The following NTNG1 variants were observed in gnomAD, a reference collection of about 807,000 sequenced individuals.
NTNG1 encodes the protein netrin G1.
In NTNG1, 16 loss-of-function variants were observed where a neutral mutation model predicts 54.0. The observed-to-expected ratio is 0.30, with a 90% CI of 0.20 to 0.45. NTNG1 has a LOEUF of 0.45. Ranked by LOEUF, NTNG1 falls within the 20% of genes least tolerant of loss-of-function variation. The pLI is 1.00. For synonymous variants in NTNG1, 255 were observed against 263.1 expected (o/e 0.97, Z 0.30); for missense variants, 530 against 678.7 (o/e 0.78, Z 2.43).
chr1:107,335,553 G>A (rs978433559), intron 3 of NTNG1, among the ~76,000 whole-genome samples: 6 of 151,850 alleles, frequency 4.0e-5, no homozygotes, highest in African/African-American at 1.2e-4. Flanking sequence ...AATATTAATA[G>A]CGTGAGGCTA....
At chr1:107,400,901 C>T (rs1053937918) in intron 4 of NTNG1, among the ~76,000 whole-genome samples, 40 of 152,204 alleles carry the variant, frequency 2.6e-4, no homozygotes, top group Admixed American at 1.9e-3. Context: ...CCACCTGCCT[C>T]AGCTTCCCAA....
At position 107,483,494 on chromosome 1, in the gene NTNG1, C is replaced by G. The variant is rs891718163; in HGVS notation, c.*2654C>G. On this transcript the variant is annotated 3_prime_UTR_variant, in exon 8 of 8. Coordinates refer to ENST00000370068, the MANE Select transcript of NTNG1 (RefSeq NM_001113226.3). ...TGGAAATGAAATGTTCTTTTTAAATCTGGATTCTCAAGTTCTTCTAAAGGA... is the reference window on the plus strand; with the variant it reads ...TGGAAATGAAATGTTCTTTTTAAATGTGGATTCTCAAGTTCTTCTAAAGGA... 6.6e-6 allele frequency: 1 copy of G among 152,146 alleles called. No individual in the cohort carries two copies. The highest frequency in any genetic ancestry group is 2.1e-4 in the South Asian group (1 of 4,824). 9.4% of individuals were successfully genotyped at this position (152,146 alleles called of 1,614,324 possible). A position where few individuals can be genotyped will look rare whatever the true frequency, so the allele number is the denominator to read the frequency against.
At chr1:107,455,998 G>T (rs1268760311) in intron 7 of NTNG1, among the ~76,000 whole-genome samples, 1 of 152,118 alleles carries the variant, frequency 6.6e-6, no homozygotes, top group Admixed American at 6.5e-5. Flanking sequence ...CCCTGAAGAG[G>T]TTTGAAAGGA....
chr1:107,281,238 A>G (rs1432948676), intron 2 of NTNG1, among the ~76,000 whole-genome samples: 1 of 152,142 alleles, frequency 6.6e-6, no homozygotes, highest in African/African-American at 2.4e-5. Flanking sequence ...TTATGTACAT[A>G]TAAAACACTG....
At position 107,405,586 on chromosome 1, in the gene NTNG1, C is replaced by T. The variant is rs2587902; in HGVS notation, c.1061-2096C>T. On this transcript the variant is annotated intron_variant, in intron 4 of 7. Coordinates refer to ENST00000370068, the MANE Select transcript of NTNG1 (RefSeq NM_001113226.3). ...CCAAAGTATTCAGCTGCAGCAAATA[C>T]TGCATCAAACAGTCTTGCGGCTTTG... is the stretch of plus-strand genomic sequence containing the variant. Among the ~76,000 whole-genome samples, 1,318 of 152,228 alleles carry T rather than the reference C, an allele frequency of 8.7e-3. 16 individuals are homozygous for T. The highest frequency in any genetic ancestry group is 0.026 in the African/African-American group (1,061 of 41,544).
chr1:107,196,161 G>A, intron 2 of NTNG1, among the ~76,000 whole-genome samples: 1 of 151,780 alleles, frequency 6.6e-6, no homozygotes, highest in Non-Finnish European at 1.5e-5. Flanking sequence ...CCATATAAAG[G>A]ATCTCCTACG....
chr1:107,431,048 A>T, intron 6 of NTNG1, 131 bp downstream of exon 6: 1 of 755,328 alleles, frequency 1.3e-6, no homozygotes, highest in Non-Finnish European at 2.1e-6. Context: ...AAAATATCCT[A>T]TGGTAGATTT....
chr1:107,408,036 C>A (rs559077029), intron 5 of NTNG1: 20 of 452,274 alleles, frequency 4.4e-5, no homozygotes, highest in South Asian at 3.6e-4. Flanking sequence ...CCATACTTAG[C>A]AACCAACAAA....
rs959944536 is a variant in NTNG1, at chr1:107,480,787, G to A, written c.1567G>A (p.Ala523Thr). ...GQGAPPHGSP[A>T]LLLLTTLLGT... ...GGGCGCGCCCCCGCACGGCTCCCCAGCGCTGCTGCTGCTGACCACGCTGCT... is the reference window on the plus strand; with the variant it reads ...GGGCGCGCCCCCGCACGGCTCCCCAACGCTGCTGCTGCTGACCACGCTGCT... The change falls in exon 8 of 8, where the codon GCG becomes ACG. Residue 523 changes from alanine to threonine, a missense_variant. This residue lies in a region of NTNG1 where 212 missense variants were observed against 213.6 expected (regional missense o/e 0.99). Coordinates refer to ENST00000370068, the MANE Select transcript of NTNG1 (RefSeq NM_001113226.3). 1.8e-5 allele frequency: 28 copies of A among 1,596,662 alleles called. No homozygotes were observed. Among genetic ancestry groups the A allele is most frequent in the Non-Finnish European group, 2.3e-5 (27 of 1,172,940 alleles).
intron 7 of NTNG1, among the ~76,000 whole-genome samples, chr1:107,477,127 C>A (rs540735549): frequency 6.6e-6 from 1 of 152,026 alleles, no homozygotes; most frequent in African/African-American, 2.4e-5. Context: ...TAAAAGGGAC[C>A]CCCACAGAGC....
At chr1:107,218,392 G>A (rs1482764588) in intron 2 of NTNG1, among the ~76,000 whole-genome samples, 2 of 152,052 alleles carry the variant, frequency 1.3e-5, no homozygotes, top group African/African-American at 4.8e-5. Flanking sequence ...TGTTTGGTGA[G>A]TTCTTATCAT....
At chr1:107,466,465 A>G (rs986249106) in intron 7 of NTNG1, among the ~76,000 whole-genome samples, 2 of 152,226 alleles carry the variant, frequency 1.3e-5, no homozygotes, top group African/African-American at 4.8e-5. Flanking sequence ...TCTTATCTTC[A>G]TGGAGCTTTT....
At chr1:107,189,956 T>C (rs1277486795) in intron 2 of NTNG1, among the ~76,000 whole-genome samples, 1 of 152,118 alleles carries the variant, frequency 6.6e-6, no homozygotes, top group Non-Finnish European at 1.5e-5. Context: ...CAAAATGTAG[T>C]ATATACATAC....
intron 3 of NTNG1, among the ~76,000 whole-genome samples, chr1:107,342,912 C>T (rs1668983888): frequency 6.6e-6 from 1 of 152,040 alleles, no homozygotes; most frequent in African/African-American, 2.4e-5. Context: ...AGACACACTC[C>T]CTATCCCTGT....
At chr1:107,441,844 T>G (rs1227592108) in intron 7 of NTNG1, among the ~76,000 whole-genome samples, 1 of 152,028 alleles carries the variant, frequency 6.6e-6, no homozygotes, top group Non-Finnish European at 1.5e-5. Flanking sequence ...TATGCAATGA[T>G]AAAACATATT....
chr1:107,308,361 T>G (rs1666809518), intron 2 of NTNG1, among the ~76,000 whole-genome samples: 1 of 152,216 alleles, frequency 6.6e-6, no homozygotes, highest in Non-Finnish European at 1.5e-5. Context: ...GTTTCAATCT[T>G]CTGCATATGG....
intron 5 of NTNG1, among the ~76,000 whole-genome samples, chr1:107,422,103 G>A (rs975131141): frequency 2.6e-5 from 4 of 152,080 alleles, no homozygotes; most frequent in Non-Finnish European, 4.4e-5. Context: ...GAAACCAAGA[G>A]TATTTAAACC....
At chr1:107,158,944 C>T (rs1431148199) in intron 2 of NTNG1, among the ~76,000 whole-genome samples, 1 of 152,080 alleles carries the variant, frequency 6.6e-6, no homozygotes, top group Non-Finnish European at 1.5e-5. Context: ...ATATGGAGAG[C>T]TGAGATTTGT....
chr1:107,412,477 A>G (rs2101176124), intron 5 of NTNG1, among the ~76,000 whole-genome samples: 1 of 152,334 alleles, frequency 6.6e-6, no homozygotes, highest in East Asian at 1.9e-4. Flanking sequence ...TGCAAAGGCT[A>G]CACTCATAAC....
Sources: gnomAD v4.1 joint callset for allele counts (sites outside exome capture counted in the v4.1 genomes callset) on GRCh38, gnomAD v4.1.1 for gene constraint, gnomAD v4.1.1 regional missense constraint, MANE v1.5 for transcripts, NCBI Gene and HGNC (gene_info 2026-07-23, HGNC 2026-07-21) for gene names.